Variants in RNFT1 observed in about 807,000 individuals in gnomAD.
RNFT1 encodes the protein E3 ubiquitin-protein ligase RNFT1.
Under a neutral mutation model 53.2 loss-of-function variants are expected in RNFT1, and 35 were observed. The ratio of observed to expected loss-of-function variants is 0.66; its 90% CI spans 0.50 to 0.87. RNFT1 has a LOEUF of 0.87. Ranked by LOEUF, RNFT1 falls within the 40% of genes least tolerant of loss-of-function variation. The pLI is 0.00. For synonymous variants in RNFT1, 141 were observed against 172.8 expected, an observed-to-expected ratio of 0.82 and a Z score of 1.44; for missense variants, 421 against 515.0, an observed-to-expected ratio of 0.82 and a Z score of 1.77.
intron 1 of RNFT1, 84 bp downstream of exon 1, chr17:59,964,524 G>T: frequency 7.7e-7 from 1 of 1,293,506 alleles, no homozygotes; most frequent in Non-Finnish European, 1.1e-6. Context: ...CCACGTCCGA[G>T]CCTCGAGTGC....
Position 59,956,546 on chromosome 17 carries a change from T to G in RNFT1, c.1013A>C (p.Glu338Ala). The change falls in exon 7 of 9, where the codon GAA (glutamate) becomes GCA (alanine). Residue 338 changes from glutamate to alanine, a missense_variant. Glu to Ala is a moderately radical substitution (Grantham distance 107, BLOSUM62 -1). Coordinates refer to ENST00000305783, the MANE Select transcript of RNFT1 (RefSeq NM_016125.4). ...GAAAGTTCTCAGATGCCCAAAAAAT[T>G]CCAAAAGCTGAAAAGAGAAATAAGA... ...ALLYLILKLL[E>A]FFGHLRTFRQ... The G allele has an allele frequency of 1.9e-6, 3 of 1,612,396 alleles. No homozygotes were observed. The highest frequency in any genetic ancestry group is 2.2e-5 in the South Asian group (2 of 90,832).
In RNFT1 at chr17:59,964,612, C is replaced by A; in HGVS notation, c.52G>T (p.Glu18Ter). The change falls in exon 1 of 9, where the codon GAG (glutamate) becomes TAG (stop). Residue 18 changes from glutamate (E) to a stop codon, truncating the protein, a stop_gained. Transcript: ENST00000305783. LOFTEE classifies it high-confidence loss of function. ...LPTPPSASGH[E>*]RRQRPEAKTS... is the part of the protein sequence containing the mutation. ...CCCGCTTCCCCCAGGCCTAACCTCT[C>A]ATGACCAGAAGCGGACGGAGGTGTC... 1 of 1,604,970 alleles carries A rather than the reference C, an allele frequency of 6.2e-7. No individual in the cohort carries two copies. The highest frequency in any genetic ancestry group is 2.2e-5 in the East Asian group (1 of 44,510).
intron 3 of RNFT1, chr17:59,962,301 A>C: frequency 2.5e-6 from 1 of 398,136 alleles, no homozygotes; most frequent in Non-Finnish European, 4.5e-6. Flanking sequence ...AATCCTTTTT[A>C]CTACTTTAAC....
intron 8 of RNFT1, among the ~76,000 whole-genome samples, chr17:59,953,725 G>A (rs2045236178): frequency 6.6e-6 from 1 of 152,160 alleles, no homozygotes; most frequent in Non-Finnish European, 1.5e-5. Flanking sequence ...ATAAAGTATA[G>A]GAAAGGGCCA....
At chr17:59,961,320 G>A (rs544202591) in intron 3 of RNFT1, among the ~76,000 whole-genome samples, 13 of 152,244 alleles carry the variant, frequency 8.5e-5, no homozygotes, top group African/African-American at 1.9e-4. Flanking sequence ...TTACAGGCAT[G>A]AGCCACTGTG....
chr17:59,958,619 T>C (rs890267718), intron 4 of RNFT1, 175 bp from the exon 5 acceptor site: 1 of 682,954 alleles, frequency 1.5e-6, no homozygotes, highest in African/African-American at 1.8e-5. Flanking sequence ...AGAGACTTTT[T>C]AAACCTGTTT....
At chr17:59,963,492 A>G (rs1025736129) in intron 1 of RNFT1, among the ~76,000 whole-genome samples, 6 of 149,986 alleles carry the variant, frequency 4.0e-5, no homozygotes, top group African/African-American at 1.5e-4. Context: ...GAACATTTGC[A>G]CCAAAAAAAA....
rs572146185 is a variant in RNFT1, at chr17:59,964,685, T to C, written c.-22A>G. ...GCATACACCGCCTCCAGCCCTTCAG[T>C]CGGGGCCATCAACCGCAAACCCCGC... On this transcript the variant is annotated 5_prime_UTR_variant, in exon 1 of 9. Transcript: ENST00000305783. 33 of 1,592,000 alleles carry C rather than the reference T, an allele frequency of 2.1e-5. No individual in the cohort carries two copies. In the African/African-American group the frequency reaches 4.3e-4, roughly 21 times the overall value.
intron 5 of RNFT1, 47 bp from the exon 6 acceptor site, chr17:59,957,429 T>C (rs1426566484): frequency 8.4e-6 from 12 of 1,427,476 alleles, no homozygotes; most frequent in Non-Finnish European, 1.1e-5. Context: ...ACTACTTAAC[T>C]ACATAGCACA....
chr17:59,959,950 G>C (rs2045277856), intron 4 of RNFT1, 118 bp downstream of exon 4: 2 of 951,330 alleles, frequency 2.1e-6, no homozygotes, highest in Non-Finnish European at 2.9e-6. Context: ...TATGAAAGGA[G>C]AAAGTTAAAA....
intron 5 of RNFT1, among the ~76,000 whole-genome samples, chr17:59,957,782 T>C (rs149359685): frequency 6.6e-6 from 1 of 151,950 alleles, no homozygotes; most frequent in Admixed American, 6.6e-5. Flanking sequence ...GAGGCGGAGG[T>C]TGCAGTGAGC....
intron 7 of RNFT1, among the ~76,000 whole-genome samples, chr17:59,954,881 C>T (rs561563578): frequency 6.6e-6 from 1 of 152,312 alleles, no homozygotes; most frequent in Admixed American, 6.5e-5. Context: ...GAATTTTCTT[C>T]TCTTCTAATG....
chr17:59,958,170 G>A, intron 5 of RNFT1, 121 bp downstream of exon 5: 2 of 943,384 alleles, frequency 2.1e-6, no homozygotes, highest in South Asian at 3.5e-5. Context: ...AAATAATACA[G>A]ATAATTAAGC....
intron 3 of RNFT1, among the ~76,000 whole-genome samples, chr17:59,960,463 T>TAAAAAAA (rs2045282597): frequency 8.4e-6 from 1 of 118,510 alleles, no homozygotes; most frequent in Non-Finnish European, 1.8e-5. Context: ...AAAAGAAAAT[T>TAAAAAAA]AAATTAAATT....
At chr17:59,960,247 ACTATTAAC>A in intron 3 of RNFT1, 79 bp from the exon 4 acceptor site, 1 of 1,418,136 alleles carries the variant, frequency 7.1e-7, no homozygotes, top group Non-Finnish European at 9.5e-7. Flanking sequence ...TACTTTAATG[ACTATTAAC>A]TTAGAATATT....
chr17:59,957,481 TATAA>T, intron 5 of RNFT1, 99 bp from the exon 6 acceptor site: 1 of 727,622 alleles, frequency 1.4e-6, no homozygotes. Context: ...TATACAATAA[TATAA>T]ATAACTATAA....
At chr17:59,956,627 A>C in intron 6 of RNFT1, 74 bp from the exon 7 acceptor site, 1 of 985,624 alleles carries the variant, frequency 1.0e-6, no homozygotes, top group Non-Finnish European at 1.6e-6. Context: ...CAAAGCTGAA[A>C]TCCCATAACA....
Position 59,964,736 on chromosome 17 carries a change from ACGG to A in RNFT1, c.-76_-74del. 2 of 1,455,786 alleles carry A rather than the reference ACGG, an allele frequency of 1.4e-6. No homozygotes were observed. The highest frequency in any genetic ancestry group is 1.3e-5 in the South Asian group (1 of 75,034). The allele number at this position is 1,455,786 out of a possible 1,614,324, so 90.2% of individuals were successfully genotyped here. On this transcript the variant is annotated 5_prime_UTR_variant, in exon 1 of 9. Coordinates refer to ENST00000305783, the MANE Select transcript of RNFT1 (RefSeq NM_016125.4). ...AAGCTCTTCTCTCAGCCCGGCGGCAACGGCGGCGGCGCGCGCGCTCCCCGGACG... is the reference window on the plus strand; with the variant it reads ...AAGCTCTTCTCTCAGCCCGGCGGCAACGGCGGCGCGCGCGCTCCCCGGACG...
intron 4 of RNFT1, among the ~76,000 whole-genome samples, chr17:59,958,978 C>T (rs1243707948): frequency 1.3e-5 from 2 of 150,578 alleles, no homozygotes; most frequent in Admixed American, 1.3e-4. Context: ...TGGTCATGTC[C>T]AGTACTGGGC....
Sources: allele counts gnomAD v4.1 joint callset (sites outside exome capture counted in the v4.1 genomes callset), GRCh38; gene constraint gnomAD v4.1.1; transcripts MANE v1.5; gene names NCBI Gene and HGNC (gene_info 2026-07-23, HGNC 2026-07-21).